Variants in RCSD1 observed in about 807,000 individuals in gnomAD.
RCSD1 encodes the protein RCSD domain containing 1, also known as capZ-interacting protein.
A neutral mutation model predicts 42.5 loss-of-function variants in RCSD1; 26 were observed. That is an observed-to-expected ratio of 0.61 (90% CI 0.45 to 0.85). The LOEUF (loss-of-function observed/expected upper bound fraction) is 0.85. Among genes scored for constraint, RCSD1 ranks in the 40% least tolerant of loss-of-function variants. The pLI, the probability that RCSD1 is intolerant of heterozygous loss-of-function variation, is 0.00. For synonymous variants in RCSD1, 220 were observed against 212.2 expected (o/e 1.04, Z -0.32); for missense variants, 571 against 528.3 (o/e 1.08, Z -0.79).
At chr1:167,704,526 G>C in intron 6 of RCSD1, 138 bp from the exon 7 acceptor site, 2 of 724,352 alleles carry the variant, frequency 2.8e-6, no homozygotes, top group Non-Finnish European at 2.4e-6. Context: ...TGGGCACATA[G>C]CATTCTTATG....
chr1:167,648,023 A>T (rs1170388930), intron 1 of RCSD1, among the ~76,000 whole-genome samples: 1 of 151,884 alleles, frequency 6.6e-6, no homozygotes, highest in African/African-American at 2.4e-5. Flanking sequence ...ACTACTTCGA[A>T]TTTTCCACAT....
intron 1 of RCSD1, among the ~76,000 whole-genome samples, chr1:167,667,493 A>C (rs1475711580): frequency 6.6e-6 from 1 of 152,252 alleles, no homozygotes; most frequent in African/African-American, 2.4e-5. Flanking sequence ...CTCTAGATAA[A>C]GAAACAAATT....
In RCSD1 at chr1:167,697,110, G is replaced by T. The variant is rs1156913463; in HGVS notation, c.486G>T (p.Arg162Ser). The T allele has an allele frequency of 6.2e-7, 1 of 1,612,618 alleles. No homozygotes were observed. The highest frequency in any genetic ancestry group is 8.5e-7 in the Non-Finnish European group (1 of 1,179,334). ...ACACTTTCTTCTAGGTGCGGACGAG[G>T]GGCTCAATAAAAAGGCGCCCTCCCT... ...HLPCYNKVRTRGSIKRRPPSR... is the reference protein window; with the variant it reads ...HLPCYNKVRTSGSIKRRPPSR... Residue 162 changes from arginine (R) to serine (S), a missense_variant, in exon 6 of 7, where the codon AGG becomes AGT. Arg to Ser is a moderately radical substitution (Grantham distance 110, BLOSUM62 -1). Transcript: ENST00000367854.
At position 167,697,744 on chromosome 1, in the gene RCSD1, G is replaced by A; in HGVS notation, c.1120G>A (p.Gly374Arg). The A allele has an allele frequency of 6.4e-7, 1 of 1,562,370 alleles. No individual in the cohort carries two copies. The highest frequency in any genetic ancestry group is 1.2e-5 in the South Asian group (1 of 82,270). ...AAAAGGCAAGGAAAAACAACAGGAG[G>A]GGGCAGTGCTCGAGCCAGGCTGCAG... ...QEKGKEKQQE[G>R]AVLEPGCSPQ... is the part of the protein sequence containing the mutation. Residue 374 changes from glycine to arginine, a missense_variant, in exon 6 of 7, where the codon GGG becomes AGG. Transcript: ENST00000367854.
intron 1 of RCSD1, chr1:167,640,637 C>A (rs924885929): frequency 6.6e-6 from 1 of 152,396 alleles, no homozygotes; most frequent in Admixed American, 6.5e-5. Flanking sequence ...GCAGCCTCAA[C>A]CTTCCAGGGC....
At chr1:167,652,933 A>G (rs181190351) in intron 1 of RCSD1, among the ~76,000 whole-genome samples, 1 of 152,348 alleles carries the variant, frequency 6.6e-6, no homozygotes, top group East Asian at 1.9e-4. Context: ...AATAAACTGC[A>G]TTCTTCTTTA....
At chr1:167,661,653 G>C (rs956504893) in intron 1 of RCSD1, among the ~76,000 whole-genome samples, 1 of 152,254 alleles carries the variant, frequency 6.6e-6, no homozygotes, top group African/African-American at 2.4e-5. Flanking sequence ...TGCTGAGGTG[G>C]TGGGATAAAG....
chr1:167,670,216 T>G (rs1010573851), intron 1 of RCSD1, among the ~76,000 whole-genome samples: 1 of 152,186 alleles, frequency 6.6e-6, no homozygotes, highest in African/African-American at 2.4e-5. Flanking sequence ...GTCAGAGTAG[T>G]GCATAACAGG....
Position 167,683,891 on chromosome 1 carries a change from A to T in RCSD1, c.7-9A>T. 3 of 1,612,982 alleles carry T rather than the reference A, an allele frequency of 1.9e-6. No individual in the cohort carries two copies. The highest frequency in any genetic ancestry group is 2.5e-6 in the Non-Finnish European group (3 of 1,179,468). ...GCTGATTAACTGTTTCTTCTTCTCCATTTGCCAGGAAAGACCGGCAGAGAC... is the reference window on the plus strand; with the variant it reads ...GCTGATTAACTGTTTCTTCTTCTCCTTTTGCCAGGAAAGACCGGCAGAGAC... On this transcript the variant is annotated splice_polypyrimidine_tract_variant and intron_variant, in intron 1 of 6. Transcript: ENST00000367854.
rs199997439 is a variant in RCSD1 at position 167,634,943 on chromosome 1, T to C, written c.6+4514T>C. Reference sequence around the variant, plus strand: ...ACTGTCAGTATTACTATGATGAGAGTGTGTGTGTGTGTGTGTGTGTGTGTG... The same window carrying C: ...ACTGTCAGTATTACTATGATGAGAGCGTGTGTGTGTGTGTGTGTGTGTGTG... On this transcript the variant is annotated intron_variant, in intron 1 of 6. Transcript: ENST00000367854. 1.8e-3 allele frequency among the ~76,000 whole-genome samples: 44 copies of C among 24,454 alleles called. No individual in the cohort carries two copies. The Middle Eastern group carries it at 0.041, about 23-fold the overall frequency. The allele number at this position is 24,454 out of a possible 152,430, so 16.0% of individuals were successfully genotyped here.
chr1:167,635,538 A>G (rs1415848762), intron 1 of RCSD1, among the ~76,000 whole-genome samples: 1 of 152,218 alleles, frequency 6.6e-6, no homozygotes, highest in Non-Finnish European at 1.5e-5. Context: ...ACTGCGAGCC[A>G]GAGCTTGGCG....
At chr1:167,662,801 G>T (rs563651026) in intron 1 of RCSD1, among the ~76,000 whole-genome samples, 1 of 152,160 alleles carries the variant, frequency 6.6e-6, no homozygotes, top group Non-Finnish European at 1.5e-5. Context: ...TGTAGCAAGC[G>T]CTGGGTTTGC....
chr1:167,683,505 T>G (rs1480827556), intron 1 of RCSD1, among the ~76,000 whole-genome samples: 1 of 152,202 alleles, frequency 6.6e-6, no homozygotes, highest in Non-Finnish European at 1.5e-5. Context: ...ATATATGTGT[T>G]TCAAGTTCAA....
At chr1:167,637,202 G>A (rs537962168) in intron 1 of RCSD1, among the ~76,000 whole-genome samples, 2 of 152,244 alleles carry the variant, frequency 1.3e-5, no homozygotes, top group Admixed American at 6.5e-5. Context: ...AGTGACAAGA[G>A]CAAAGCTACT....
intron 1 of RCSD1, among the ~76,000 whole-genome samples, chr1:167,634,288 G>T (rs1657775465): frequency 6.6e-6 from 1 of 152,168 alleles, no homozygotes; most frequent in Admixed American, 6.5e-5. Context: ...CTCCTTGAGG[G>T]CAGGGGCCAT....
At chr1:167,674,755 C>T (rs1365897412) in intron 1 of RCSD1, among the ~76,000 whole-genome samples, 1 of 152,196 alleles carries the variant, frequency 6.6e-6, no homozygotes, top group Non-Finnish European at 1.5e-5. Flanking sequence ...GCTTCTTTCA[C>T]TTAGCGTAAT....
chr1:167,633,399 T>C (rs545919281), intron 1 of RCSD1, among the ~76,000 whole-genome samples: 1 of 152,238 alleles, frequency 6.6e-6, no homozygotes, highest in Admixed American at 6.5e-5. Context: ...GGAGAAGGTA[T>C]AAGGGATGGG....
intron 1 of RCSD1, among the ~76,000 whole-genome samples, chr1:167,659,843 C>T (rs978661108): frequency 3.9e-5 from 6 of 152,098 alleles, no homozygotes; most frequent in Non-Finnish European, 8.8e-5. Flanking sequence ...TCCCTGAACT[C>T]GCCATGCCTC....
chr1:167,694,890 C>T (rs570086294), intron 5 of RCSD1, among the ~76,000 whole-genome samples: 5 of 152,298 alleles, frequency 3.3e-5, no homozygotes, highest in South Asian at 2.1e-4. Context: ...TCACATCCCT[C>T]GCCCTGCTGG....
Sources: allele counts gnomAD v4.1 joint callset (sites outside exome capture counted in the v4.1 genomes callset), GRCh38; gene constraint gnomAD v4.1.1; transcripts MANE v1.5; gene names NCBI Gene and HGNC (gene_info 2026-07-23, HGNC 2026-07-21).